Variants in CSMD3 observed in about 807,000 individuals in gnomAD.
The protein encoded by CSMD3 is CUB and Sushi multiple domains 3.
CSMD3 carries 177 observed loss-of-function variants against 435.2 expected under a neutral mutation model. The ratio of observed to expected loss-of-function variants is 0.41; its 90% confidence interval spans 0.36 to 0.46. The LOEUF (loss-of-function observed/expected upper bound fraction) is 0.46. Among genes scored for constraint, CSMD3 ranks in the 20% least tolerant of loss-of-function variants. The pLI is 0.34. For synonymous variants in CSMD3, 1,656 were observed against 1,520.5 expected (o/e 1.09, Z -2.07); for missense variants, 4,265 against 4,504.6 (o/e 0.95, Z 1.52).
intron 1 of CSMD3, among the ~76,000 whole-genome samples, chr8:113,365,764 G>C (rs2094307340): frequency 6.6e-6 from 1 of 152,014 alleles, no homozygotes; most frequent in Admixed American, 6.6e-5. Context: ...GGTGAGTTTT[G>C]TCAATAAAAT....
intron 8 of CSMD3, among the ~76,000 whole-genome samples, chr8:112,949,374 C>T (rs887672293): frequency 6.6e-6 from 1 of 151,956 alleles, no homozygotes; most frequent in Non-Finnish European, 1.5e-5. Flanking sequence ...TTTTCTTATT[C>T]TCTAACTTGC....
chr8:112,372,259 T>A (rs1210300511), intron 38 of CSMD3, among the ~76,000 whole-genome samples: 1 of 152,082 alleles, frequency 6.6e-6, no homozygotes, highest in Non-Finnish European at 1.5e-5. Flanking sequence ...TTAATTTGAT[T>A]AAGTGGGGGA....
chr8:112,650,044 C>G (rs1370129369), intron 19 of CSMD3, 117 bp downstream of exon 19: 9 of 775,122 alleles, frequency 1.2e-5, no homozygotes, highest in Non-Finnish European at 1.9e-5. Context: ...TGCCAGAAAT[C>G]AAAAGAACTT....
intron 1 of CSMD3, among the ~76,000 whole-genome samples, chr8:113,426,961 G>A (rs2094639038): frequency 6.6e-6 from 1 of 151,318 alleles, no homozygotes; most frequent in South Asian, 2.1e-4. Flanking sequence ...AATAAGAATG[G>A]CCTATGAAGA....
chr8:112,739,234 A>G (rs1206095179), intron 13 of CSMD3, among the ~76,000 whole-genome samples: 1 of 151,744 alleles, frequency 6.6e-6, no homozygotes, highest in Non-Finnish European at 1.5e-5. Context: ...AAATAAATCA[A>G]CAGTTCTAAT....
At chr8:112,773,065 C>T (rs1056133190) in intron 13 of CSMD3, among the ~76,000 whole-genome samples, 2 of 151,948 alleles carry the variant, frequency 1.3e-5, no homozygotes, top group African/African-American at 4.8e-5. Flanking sequence ...TATACTTTGT[C>T]TCTGTGTCTC....
intron 5 of CSMD3, among the ~76,000 whole-genome samples, chr8:113,089,212 C>T (rs2089916637): frequency 6.6e-6 from 1 of 152,108 alleles, no homozygotes; most frequent in African/African-American, 2.4e-5. Context: ...CAACATCACT[C>T]TTGGTTTTCC....
chr8:112,961,844 C>T (rs1410934056), intron 7 of CSMD3, among the ~76,000 whole-genome samples: 1 of 151,886 alleles, frequency 6.6e-6, no homozygotes, highest in East Asian at 1.9e-4. Context: ...ACGCAGATAA[C>T]AGCAGATGCA....
intron 3 of CSMD3, among the ~76,000 whole-genome samples, chr8:113,203,691 CCAT>C (rs1479286895): frequency 1.3e-5 from 2 of 152,072 alleles, no homozygotes; most frequent in African/African-American, 4.8e-5. Context: ...CAGTCCAGCT[CCAT>C]CAAGACAAAA....
chr8:112,424,939 C>T (rs1243740648), intron 32 of CSMD3, among the ~76,000 whole-genome samples: 1 of 152,328 alleles, frequency 6.6e-6, no homozygotes, highest in South Asian at 2.1e-4. Context: ...GTCTGCCCAC[C>T]TCAGCCTCTC....
chr8:113,310,403 G>A (rs1014008682), intron 2 of CSMD3: 6 of 151,580 alleles, frequency 4.0e-5, no homozygotes, highest in African/African-American at 1.5e-4. Context: ...TATTTGTGCA[G>A]AAAAAACAGC....
At chr8:113,407,756 A>G (rs545970709) in intron 1 of CSMD3, among the ~76,000 whole-genome samples, 14 of 152,250 alleles carry the variant, frequency 9.2e-5, no homozygotes, top group Admixed American at 9.2e-4. Flanking sequence ...ATGATGACAC[A>G]GAGTTTATGC....
chr8:112,354,766 A>G (rs1348314656), intron 38 of CSMD3, among the ~76,000 whole-genome samples: 1 of 152,228 alleles, frequency 6.6e-6, no homozygotes, highest in Non-Finnish European at 1.5e-5. Flanking sequence ...TAAAATGACC[A>G]TATTTCCCAA....
chr8:112,493,366 TC>T (rs35846687), intron 30 of CSMD3, among the ~76,000 whole-genome samples: 2 of 152,096 alleles, frequency 1.3e-5, no homozygotes, highest in African/African-American at 2.4e-5. Flanking sequence ...TTAAAAGATC[TC>T]CCCACAAGTA....
At chr8:113,267,931 C>G (rs939196861) in intron 3 of CSMD3, among the ~76,000 whole-genome samples, 6 of 151,564 alleles carry the variant, frequency 4.0e-5, no homozygotes, top group African/African-American at 1.5e-4. Flanking sequence ...TAGCTCATCC[C>G]AGATCTTAAG....
chr8:112,572,759 C>T lies in CSMD3; in HGVS notation c.4042+742G>A, dbSNP rs1024179193. Among the ~76,000 whole-genome samples, 4 of 151,966 alleles carry T rather than the reference C, an allele frequency of 2.6e-5. 1 individual carries two copies. Among genetic ancestry groups the T allele is most frequent in the Non-Finnish European group, 4.4e-5 (3 of 67,932 alleles). Reference sequence around the variant, plus strand: ...CATAGGAAGTAACACCTGTTTTACTCGCACTTTAATTTATTAGCAAAGAAT... The same window carrying T: ...CATAGGAAGTAACACCTGTTTTACTTGCACTTTAATTTATTAGCAAAGAAT... On this transcript the variant is annotated intron_variant, in intron 24 of 70. Transcript: ENST00000297405.
intron 1 of CSMD3, among the ~76,000 whole-genome samples, chr8:113,374,996 A>G (rs567591591): frequency 5.3e-5 from 8 of 152,246 alleles, no homozygotes; most frequent in African/African-American, 1.9e-4. Flanking sequence ...GGCATATAAA[A>G]CAACTTTTTA....
At chr8:112,944,185 T>G (rs1431855164) in intron 9 of CSMD3, among the ~76,000 whole-genome samples, 4 of 151,700 alleles carry the variant, frequency 2.6e-5, no homozygotes, top group Non-Finnish European at 5.9e-5. Context: ...ACACACATTT[T>G]CATTTGATGG....
At chr8:112,825,776 G>A (rs2079660201) in intron 12 of CSMD3, among the ~76,000 whole-genome samples, 1 of 152,170 alleles carries the variant, frequency 6.6e-6, no homozygotes, top group African/African-American at 2.4e-5. Context: ...TGTATAGGGT[G>A]TCTGAGAACT....
Sources: gnomAD v4.1 joint callset for allele counts (sites outside exome capture counted in the v4.1 genomes callset) on GRCh38, gnomAD v4.1.1 for gene constraint, MANE v1.5 for transcripts, NCBI Gene and HGNC (gene_info 2026-07-23, HGNC 2026-07-21) for gene names.